Variants in PPP1R2B observed in about 807,000 individuals in gnomAD.
PPP1R2B encodes the protein protein phosphatase inhibitor 2 family member B.
A neutral mutation model predicts 17.6 loss-of-function variants in PPP1R2B; 13 were observed. The ratio of observed to expected loss-of-function variants is 0.74; its 90% confidence interval spans 0.48 to 1.17. PPP1R2B has a LOEUF of 1.17. PPP1R2B is among the 50% of genes most tolerant of loss of function. The pLI is 0.00. For missense variants in PPP1R2B, 230 were observed against 252.4 expected, an observed-to-expected ratio of 0.91 and a Z score of 0.60; for synonymous variants, 105 against 95.4, an observed-to-expected ratio of 1.10 and a Z score of -0.59.
rs746995757 is a variant in PPP1R2B at position 156,850,568 on chromosome 5, G to A, written c.6G>A (p.Ala2=). ...GACAGCCGGAGCGCCCGGCAATGGC[G>A]GCCTCGACGGCCTCCCACCGGCCCA... M[A]ASTASHRPIK... The change falls in exon 1 of 1, where the codon GCG becomes GCA. Residue 2 remains alanine, a synonymous_variant. Transcript: ENST00000522232. 6 of 1,586,540 alleles carry A rather than the reference G, an allele frequency of 3.8e-6. No individual in the cohort carries two copies. The highest frequency in any genetic ancestry group is 1.3e-5 in the African/African-American group (1 of 74,338).
chr5:156,850,860 C>T lies in PPP1R2B; in HGVS notation c.298C>T (p.Leu100=), dbSNP rs1393514622. 2 of 1,582,490 alleles carry T rather than the reference C, an allele frequency of 1.3e-6. No individual in the cohort carries two copies. Among genetic ancestry groups the T allele is most frequent in the South Asian group, 1.1e-5 (1 of 90,260 alleles). ...ETTEAMAPDI[L]AKKLAAAEGL... is the part of the protein sequence containing the mutation. ...CACTGAAGCCATGGCGCCAGACATC[C>T]TAGCCAAGAAATTAGCTGCTGCTGA... The change falls in exon 1 of 1, where the codon CTA becomes TTA. Residue 100 remains leucine, a synonymous_variant. Coordinates refer to ENST00000522232, the MANE Select transcript of PPP1R2B (RefSeq NM_206858.3).
In PPP1R2B at chr5:156,850,833, A is replaced by C; in HGVS notation, c.271A>C (p.Thr91Pro). ...DDEDACRDTETTEAMAPDILA... is the reference protein window; with the variant it reads ...DDEDACRDTEPTEAMAPDILA... ...TGAAGATGCGTGTAGGGACACCGAG[A>C]CCACTGAAGCCATGGCGCCAGACAT... Residue 91 changes from threonine to proline, a missense_variant, in exon 1 of 1, where the codon ACC becomes CCC. Thr to Pro is a conservative substitution (Grantham distance 38). Coordinates refer to ENST00000522232, the MANE Select transcript of PPP1R2B (RefSeq NM_206858.3). The C allele has an allele frequency of 6.5e-7, 1 of 1,531,996 alleles. No homozygotes were observed. 94.9% of individuals were successfully genotyped at this position (1,531,996 alleles called of 1,614,324 possible). A position where few individuals can be genotyped will look rare whatever the true frequency, so the allele number is the denominator to read the frequency against.
rs1235246782 is a variant in PPP1R2B, at chr5:156,850,875, G to C, written c.313G>C (p.Ala105Pro). The C allele has an allele frequency of 1.9e-6, 3 of 1,599,226 alleles. No individual in the cohort carries two copies. The highest frequency in any genetic ancestry group is 1.7e-5 in the Admixed American group (1 of 59,836). ...MAPDILAKKLAAAEGLEPKYR... is the reference protein window; with the variant it reads ...MAPDILAKKLPAAEGLEPKYR... Reference sequence around the variant, plus strand: ...GCCAGACATCCTAGCCAAGAAATTAGCTGCTGCTGAAGGCTTGGAGCCAAA... The same window carrying C: ...GCCAGACATCCTAGCCAAGAAATTACCTGCTGCTGAAGGCTTGGAGCCAAA... Residue 105 changes from alanine to proline, a missense_variant, in exon 1 of 1, where the codon GCT becomes CCT. Ala to Pro is a conservative substitution (Grantham distance 27). Transcript: ENST00000522232.
At position 156,850,417 on chromosome 5, in the gene PPP1R2B, A is replaced by T. The variant is rs1758460743; in HGVS notation, c.-146A>T. The T allele has an allele frequency of 2.0e-6, 2 of 987,460 alleles. No individual in the cohort carries two copies. Among genetic ancestry groups the T allele is most frequent in the Non-Finnish European group, 2.9e-6 (2 of 680,138 alleles). 61.2% of individuals were successfully genotyped at this position (987,460 alleles called of 1,614,324 possible). On this transcript the variant is annotated 5_prime_UTR_variant, in exon 1 of 1. Transcript: ENST00000522232. The stretch of plus-strand genomic sequence containing the variant: ...TCGGGGTCGTTGTGACAACCGCTCC[A>T]GTAGCCGTTTCCGAGGCAGCAGGTG...
rs1358169694 is a variant in PPP1R2B, at chr5:156,852,304, G to GT, written c.*1130dup. 3.3e-5 allele frequency: 5 copies of GT among 151,120 alleles called. No individual in the cohort carries two copies. The highest frequency in any genetic ancestry group is 6.6e-5 in the Admixed American group (1 of 15,218). 9.4% of individuals were successfully genotyped at this position (151,120 alleles called of 1,614,324 possible). A position where few individuals can be genotyped will look rare whatever the true frequency, so the allele number is the denominator to read the frequency against. The stretch of plus-strand genomic sequence containing the variant: ...AGAAAACAACCGAGGGTTTTTTTTT[G>GT]TTTTTTGAGGGTTTTCTTTGCATGA... On this transcript the variant is annotated 3_prime_UTR_variant, in exon 1 of 1. Coordinates refer to ENST00000522232, the MANE Select transcript of PPP1R2B (RefSeq NM_206858.3).
chr5:156,850,423 C>A lies in PPP1R2B; in HGVS notation c.-140C>A, dbSNP rs113833026. 1 of 1,042,894 alleles carries A rather than the reference C, an allele frequency of 9.6e-7. No individual in the cohort carries two copies. The highest frequency in any genetic ancestry group is 1.7e-5 in the South Asian group (1 of 59,480). 64.6% of individuals were successfully genotyped at this position (1,042,894 alleles called of 1,614,324 possible). A position where few individuals can be genotyped will look rare whatever the true frequency, so the allele number is the denominator to read the frequency against. ...TCGTTGTGACAACCGCTCCAGTAGC[C>A]GTTTCCGAGGCAGCAGGTGCGGCCG... On this transcript the variant is annotated 5_prime_UTR_variant, in exon 1 of 1. Transcript: ENST00000522232.
chr5:156,852,184 G>A lies in PPP1R2B; in HGVS notation c.*1004G>A, dbSNP rs1477964703. The A allele has an allele frequency of 6.6e-6, 1 of 152,052 alleles. No homozygotes were observed. The highest frequency in any genetic ancestry group is 1.5e-5 in the Non-Finnish European group (1 of 67,970). 9.4% of individuals were successfully genotyped at this position (152,052 alleles called of 1,614,324 possible). A position where few individuals can be genotyped will look rare whatever the true frequency, so the allele number is the denominator to read the frequency against. On this transcript the variant is annotated 3_prime_UTR_variant, in exon 1 of 1. Transcript: ENST00000522232. Reference sequence around the variant, plus strand: ...TAGATTGAGTAGCAGCAGTACTATAGGCAGGAAATACAGTTTAACTGCTGA... The same window carrying A: ...TAGATTGAGTAGCAGCAGTACTATAAGCAGGAAATACAGTTTAACTGCTGA...
At position 156,851,363 on chromosome 5, in the gene PPP1R2B, A is replaced by G. The variant is rs1162977617; in HGVS notation, c.*183A>G. 4 of 624,420 alleles carry G rather than the reference A, an allele frequency of 6.4e-6. No individual in the cohort carries two copies. In the Admixed American group the frequency reaches 8.6e-5, roughly 13 times the overall value. 38.7% of individuals were successfully genotyped at this position (624,420 alleles called of 1,614,324 possible). On this transcript the variant is annotated 3_prime_UTR_variant, in exon 1 of 1. Coordinates refer to ENST00000522232, the MANE Select transcript of PPP1R2B (RefSeq NM_206858.3). ...GACTGAAAATGCCTAATTGATATAT[A>G]TATTCTTATGCCTAGTACTTTACCA...
In PPP1R2B at chr5:156,850,497, C is replaced by T. The variant is rs1375982360; in HGVS notation, c.-66C>T. ...GGCTGCCTGCGAGTCTCTGCTGTGC[C>T]GACCCTTCTCTTCGCGGACCCCACG... On this transcript the variant is annotated 5_prime_UTR_variant, in exon 1 of 1. Transcript: ENST00000522232. 7 of 1,546,746 alleles carry T rather than the reference C, an allele frequency of 4.5e-6. No homozygotes were observed. Among genetic ancestry groups the T allele is most frequent in the Admixed American group, 2.0e-5 (1 of 51,104 alleles).
In PPP1R2B at chr5:156,851,012, A is replaced by G. The variant is rs1758473891; in HGVS notation, c.450A>G (p.Glu150=). 2 of 1,613,642 alleles carry G rather than the reference A, an allele frequency of 1.2e-6. No individual in the cohort carries two copies. The highest frequency in any genetic ancestry group is 1.7e-6 in the Non-Finnish European group (2 of 1,179,548). The stretch of plus-strand genomic sequence containing the variant: ...TGAGAAGGAAGCTTCACTACAATGA[A>G]GGACTCAATATCAAACTAGCCAGAC... ...FEMRRKLHYN[E]GLNIKLARQL... is the part of the protein sequence containing the mutation. Residue 150 remains glutamate, a synonymous_variant, in exon 1 of 1, where the codon GAA becomes GAG. Transcript: ENST00000522232.
At position 156,850,349 on chromosome 5, in the gene PPP1R2B, T is replaced by C. The variant is rs933382226; in HGVS notation, c.-214T>C. Among the ~76,000 whole-genome samples the C allele has an allele frequency of 4.7e-5, 7 of 150,360 alleles. No homozygotes were observed. Among genetic ancestry groups the C allele is most frequent in the African/African-American group, 9.8e-5 (4 of 41,000 alleles). On this transcript the variant is annotated 5_prime_UTR_variant, in exon 1 of 1. An upstream start codon of the reference 5' UTR is lost. Transcript: ENST00000522232. ...CCGCGGGTCAAGTGCCGGCGGCTAA[T>C]GGTGCGCGAGGAGCCGCCACCCATT...
rs762425105 is a variant in PPP1R2B, at chr5:156,850,660, G to T, written c.98G>T (p.Arg33Leu). 4 of 1,593,562 alleles carry T rather than the reference G, an allele frequency of 2.5e-6. No homozygotes were observed. Among genetic ancestry groups the T allele is most frequent in the South Asian group, 1.1e-5 (1 of 90,260 alleles). The change falls in exon 1 of 1, where the codon CGC becomes CTC. Residue 33 changes from arginine to leucine, a missense_variant. Coordinates refer to ENST00000522232, the MANE Select transcript of PPP1R2B (RefSeq NM_206858.3). ...ATGGTGGCGTCGGCCGAACAGCCCC[G>T]CAGGAGTGTCGACGAGGAGCTGAGC... ...SSMVASAEQPRRSVDEELSKK... is the reference protein window; with the variant it reads ...SSMVASAEQPLRSVDEELSKK...
In PPP1R2B at chr5:156,850,432, G is replaced by GGCA. The variant is rs1758461028; in HGVS notation, c.-126_-124dup. On this transcript the variant is annotated 5_prime_UTR_variant, in exon 1 of 1. Coordinates refer to ENST00000522232, the MANE Select transcript of PPP1R2B (RefSeq NM_206858.3). ...CAACCGCTCCAGTAGCCGTTTCCGAGGCAGCAGGTGCGGCCGCTTTAGCCC... is the reference window on the plus strand; with the variant it reads ...CAACCGCTCCAGTAGCCGTTTCCGAGGCAGCAGCAGGTGCGGCCGCTTTAGCCC... 11 of 1,142,496 alleles carry GGCA rather than the reference G, an allele frequency of 9.6e-6. No homozygotes were observed. In the South Asian group the frequency reaches 1.8e-4, roughly 19 times the overall value. The allele number at this position is 1,142,496 out of a possible 1,614,324, so 70.8% of individuals were successfully genotyped here.
In PPP1R2B at chr5:156,850,781, T is replaced by C; in HGVS notation, c.219T>C (p.Pro73=). Residue 73 remains proline, a synonymous_variant, in exon 1 of 1, where the codon CCT becomes CCC. Transcript: ENST00000522232. ...YGLMKIDEPS[P]PYHSMMGDDE... ...TAATGAAAATAGATGAACCAAGCCC[T>C]CCTTACCATAGTATGATGGGTGATG... 6.6e-7 allele frequency: 1 copy of C among 1,512,480 alleles called. No homozygotes were observed. The highest frequency in any genetic ancestry group is 9.2e-7 in the Non-Finnish European group (1 of 1,087,868). 93.7% of individuals were successfully genotyped at this position (1,512,480 alleles called of 1,614,324 possible).
chr5:156,851,031 G>A lies in PPP1R2B; in HGVS notation c.469G>A (p.Ala157Thr), dbSNP rs1758474254. Residue 157 changes from alanine to threonine, a missense_variant, in exon 1 of 1, where the codon GCC (alanine) becomes ACC (threonine). Physicochemically the swap from Ala to Thr is moderately conservative, Grantham distance 58. Transcript: ENST00000522232. ...CAATGAAGGACTCAATATCAAACTA[G>A]CCAGACAATTAATTTCAAAAGACCT... ...HYNEGLNIKL[A>T]RQLISKDLHD... The A allele has an allele frequency of 1.2e-6, 2 of 1,612,914 alleles. No individual in the cohort carries two copies. The highest frequency in any genetic ancestry group is 2.2e-5 in the East Asian group (1 of 44,868).
In PPP1R2B at chr5:156,850,645, C is replaced by A; in HGVS notation, c.83C>A (p.Ser28Ter). ...TCTACGACTTCCTCTATGGTGGCGT[C>A]GGCCGAACAGCCCCGCAGGAGTGTC... ...KTSTTSSMVA[S>*]AEQPRRSVDE... The change falls in exon 1 of 1, where the codon TCG (serine) becomes TAG (stop). Residue 28 changes from serine to a stop codon, truncating the protein, a stop_gained. Coordinates refer to ENST00000522232, the MANE Select transcript of PPP1R2B (RefSeq NM_206858.3). LOFTEE classifies it high-confidence loss of function. 2 of 1,599,944 alleles carry A rather than the reference C, an allele frequency of 1.3e-6. No individual in the cohort carries two copies. The highest frequency in any genetic ancestry group is 2.7e-5 in the African/African-American group (2 of 74,742).
rs1758464312 is a variant in PPP1R2B at position 156,850,599 on chromosome 5, G to A, written c.37G>A (p.Gly13Arg). The change falls in exon 1 of 1, where the codon GGG becomes AGG. Residue 13 changes from glycine to arginine, a missense_variant. Physicochemically the swap from Gly to Arg is moderately radical, Grantham distance 125. Transcript: ENST00000522232. ...ASTASHRPIK[G>R]ILKNKTSTTS... ...GACGGCCTCCCACCGGCCCATCAAGGGGATCTTGAAGAACAAGACCTCTAC... is the reference window on the plus strand; with the variant it reads ...GACGGCCTCCCACCGGCCCATCAAGAGGATCTTGAAGAACAAGACCTCTAC... 2 of 1,597,254 alleles carry A rather than the reference G, an allele frequency of 1.3e-6. No individual in the cohort carries two copies. The highest frequency in any genetic ancestry group is 1.7e-6 in the Non-Finnish European group (2 of 1,171,682).
rs773103927 is a variant in PPP1R2B at position 156,851,024 on chromosome 5, C to A, written c.462C>A (p.Ile154=). ...RKLHYNEGLN[I]KLARQLISKD... is the part of the protein sequence containing the mutation. ...TTCACTACAATGAAGGACTCAATAT[C>A]AAACTAGCCAGACAATTAATTTCAA... The change falls in exon 1 of 1, where the codon ATC becomes ATA. Residue 154 remains isoleucine, a synonymous_variant. Transcript: ENST00000522232. 7 of 1,613,104 alleles carry A rather than the reference C, an allele frequency of 4.3e-6. No individual in the cohort carries two copies. Among genetic ancestry groups the A allele is most frequent in the Non-Finnish European group, 5.9e-6 (7 of 1,179,228 alleles).
rs1758494162 is a variant in PPP1R2B at position 156,852,487 on chromosome 5, A to G, written c.*1307A>G. 1 of 152,070 alleles carries G rather than the reference A, an allele frequency of 6.6e-6. No homozygotes were observed. Among genetic ancestry groups the G allele is most frequent in the Non-Finnish European group, 1.5e-5 (1 of 67,978 alleles). The allele number at this position is 152,070 out of a possible 1,614,324, so 9.4% of individuals were successfully genotyped here. ...ACTTTATTCCTCTAACGCAGTAAGA[A>G]TTATGTGGAATATTTTCCTTAAACG... is the stretch of plus-strand genomic sequence containing the variant. On this transcript the variant is annotated 3_prime_UTR_variant, in exon 1 of 1. Transcript: ENST00000522232.
Sources: gnomAD v4.1 joint callset for allele counts (sites outside exome capture counted in the v4.1 genomes callset) on GRCh38, gnomAD v4.1.1 for gene constraint, MANE v1.5 for transcripts, NCBI Gene and HGNC (gene_info 2026-07-23, HGNC 2026-07-21) for gene names.